The following LRRC4C variants were observed in gnomAD, a reference collection of about 807,000 sequenced individuals.
The protein encoded by LRRC4C is leucine-rich repeat-containing protein 4C.
In LRRC4C, 5 loss-of-function variants were observed where a neutral mutation model predicts 33.6. The ratio of observed to expected loss-of-function variants is 0.15; its 90% CI spans 0.08 to 0.31. The LOEUF is 0.31. LRRC4C is among the 10% of genes least tolerant of loss of function. The pLI is 1.00. For missense variants in LRRC4C, 560 were observed against 796.7 expected, an observed-to-expected ratio of 0.70 and a Z score of 3.58; for synonymous variants, 329 against 302.0, an observed-to-expected ratio of 1.09 and a Z score of -0.93.
intron 2 of LRRC4C, among the ~76,000 whole-genome samples, chr11:40,921,656 G>A (rs186594482): frequency 3.3e-5 from 5 of 152,034 alleles, no homozygotes; most frequent in Admixed American, 1.3e-4. Flanking sequence ...TGTTTTTGAG[G>A]TACATATGAC....
At chr11:41,065,852 G>A (rs181110048) in intron 1 of LRRC4C, among the ~76,000 whole-genome samples, 7 of 152,190 alleles carry the variant, frequency 4.6e-5, no homozygotes, top group Admixed American at 3.3e-4. Flanking sequence ...ACACAGAGAC[G>A]CAGAAATAAC....
rs145758370 is a variant in LRRC4C, at chr11:40,847,529, T to C, written c.-407+86106A>G. ...ATCGTGGTGGATAAGCTTTTTAATGTGTTGCTGGATTCAGTTTGCCAGTAT... is the reference window on the plus strand; with the variant it reads ...ATCGTGGTGGATAAGCTTTTTAATGCGTTGCTGGATTCAGTTTGCCAGTAT... On this transcript the variant is annotated intron_variant, in intron 2 of 6. Coordinates refer to ENST00000528697, the MANE Select transcript of LRRC4C (RefSeq NM_001258419.2). 7.6e-3 allele frequency among the ~76,000 whole-genome samples: 1,162 copies of C among 152,290 alleles called. 21 individuals carry two copies. Among genetic ancestry groups the C allele is most frequent in the African/African-American group, 0.026 (1,065 of 41,550 alleles).
intron 1 of LRRC4C, among the ~76,000 whole-genome samples, chr11:41,292,782 A>G (rs916293892): frequency 6.6e-6 from 1 of 152,122 alleles, no homozygotes; most frequent in Non-Finnish European, 1.5e-5. Flanking sequence ...ACTTCTTCAC[A>G]AACAGATGTT....
chr11:40,771,474 A>C (rs1949755001), intron 2 of LRRC4C, among the ~76,000 whole-genome samples: 1 of 152,186 alleles, frequency 6.6e-6, no homozygotes, highest in Admixed American at 6.5e-5. Context: ...TGCCTTGGGA[A>C]AATTTTCCCC....
At chr11:41,297,678 A>G (rs1950180721) in intron 1 of LRRC4C, among the ~76,000 whole-genome samples, 1 of 152,184 alleles carries the variant, frequency 6.6e-6, no homozygotes, top group African/African-American at 2.4e-5. Context: ...TGTTTACTAT[A>G]TATTTCAATA....
intron 2 of LRRC4C, among the ~76,000 whole-genome samples, chr11:40,731,179 C>T (rs36017188): frequency 0.37 from 55,944 of 150,702 alleles, 10,701 homozygotes; most frequent in African/African-American, 0.4. Context: ...ATTAGCCGGG[C>T]GTGGTGGCAA....
intron 3 of LRRC4C, among the ~76,000 whole-genome samples, chr11:40,382,123 A>ATTTTTTTTTTTTTTT (rs77934711): frequency 8.0e-5 from 8 of 99,984 alleles, no homozygotes; most frequent in Non-Finnish European, 1.0e-4. Context: ...TGCCCGGCTA[A>ATTTTTTTTTTTTTTT]TTTTTTTTTT....
intron 3 of LRRC4C, among the ~76,000 whole-genome samples, chr11:40,334,935 A>G (rs1459432002): frequency 3.9e-5 from 6 of 152,236 alleles, no homozygotes; most frequent in Non-Finnish European, 4.4e-5. Flanking sequence ...TCTGATCATT[A>G]TCAATACTCA....
intron 3 of LRRC4C, among the ~76,000 whole-genome samples, chr11:40,572,039 A>G (rs1199249880): frequency 6.6e-6 from 1 of 152,094 alleles, no homozygotes; most frequent in Non-Finnish European, 1.5e-5. Flanking sequence ...CTTATAGTCC[A>G]CCACTCCATA....
At chr11:40,323,067 A>C (rs1460183731) in intron 3 of LRRC4C, among the ~76,000 whole-genome samples, 1 of 152,184 alleles carries the variant, frequency 6.6e-6, no homozygotes. Context: ...TTTGAAATTA[A>C]ATGTTCAATA....
intron 1 of LRRC4C, among the ~76,000 whole-genome samples, chr11:41,361,368 C>A (rs1322139034): frequency 1.3e-5 from 2 of 152,194 alleles, no homozygotes; most frequent in Non-Finnish European, 2.9e-5. Flanking sequence ...TCGGTACTCT[C>A]TTTTCTGTGC....
At chr11:41,030,240 T>C (rs1241997184) in intron 1 of LRRC4C, among the ~76,000 whole-genome samples, 1 of 151,924 alleles carries the variant, frequency 6.6e-6, no homozygotes, top group Non-Finnish European at 1.5e-5. Context: ...ATATTTTCTA[T>C]GCATTTTCAT....
At chr11:40,311,887 G>GT (rs1420359101) in intron 4 of LRRC4C, among the ~76,000 whole-genome samples, 7 of 147,448 alleles carry the variant, frequency 4.7e-5, no homozygotes, top group Non-Finnish European at 1.0e-4. Flanking sequence ...GGAAGTTGCA[G>GT]TGAGCCAAGA....
At chr11:41,062,985 C>T (rs958035463) in intron 1 of LRRC4C, among the ~76,000 whole-genome samples, 3 of 152,074 alleles carry the variant, frequency 2.0e-5, no homozygotes, top group East Asian at 1.9e-4. Context: ...TGATTTTAGA[C>T]CTAAGAGACA....
At chr11:40,790,205 AT>A (rs1305858686) in intron 2 of LRRC4C, among the ~76,000 whole-genome samples, 1 of 152,204 alleles carries the variant, frequency 6.6e-6, no homozygotes, top group Non-Finnish European at 1.5e-5. Context: ...AATGTATCGC[AT>A]TGACAGTTTT....
At chr11:41,230,273 C>T (rs1490152613) in intron 1 of LRRC4C, among the ~76,000 whole-genome samples, 1 of 152,030 alleles carries the variant, frequency 6.6e-6, no homozygotes, top group African/African-American at 2.4e-5. Context: ...AGCTTAAACT[C>T]AGAATGTGTA....
chr11:40,839,878 C>A (rs990519230), intron 2 of LRRC4C, among the ~76,000 whole-genome samples: 1 of 152,056 alleles, frequency 6.6e-6, no homozygotes, highest in African/African-American at 2.4e-5. Context: ...TCCAGAATCA[C>A]AACATTTGAA....
intron 1 of LRRC4C, among the ~76,000 whole-genome samples, chr11:41,370,893 CT>C (rs1952723313): frequency 6.6e-6 from 1 of 152,074 alleles, no homozygotes; most frequent in Non-Finnish European, 1.5e-5. Flanking sequence ...GGCAACATCC[CT>C]TCTCCTTTCT....
intron 2 of LRRC4C, among the ~76,000 whole-genome samples, chr11:40,759,790 G>T (rs1046930903): frequency 6.6e-6 from 1 of 151,648 alleles, no homozygotes; most frequent in Non-Finnish European, 1.5e-5. Flanking sequence ...TCCCCTTCCT[G>T]ATCAGCCAAC....
Sources: gnomAD v4.1 joint callset for allele counts (sites outside exome capture counted in the v4.1 genomes callset) on GRCh38, gnomAD v4.1.1 for gene constraint, MANE v1.5 for transcripts, NCBI Gene and HGNC (gene_info 2026-07-23, HGNC 2026-07-21) for gene names.